Variants in ZNF346 observed in about 807,000 individuals in gnomAD.
ZNF346 encodes zinc finger protein 346, also known as double-stranded RNA-binding zinc finger protein JAZ.
In ZNF346, 23 loss-of-function variants were observed where a neutral mutation model predicts 33.7. That is an observed-to-expected ratio of 0.68 (90% CI 0.49 to 0.97). ZNF346 has a LOEUF of 0.97. Ranked by LOEUF, ZNF346 falls within the 50% of genes least tolerant of loss-of-function variation. The pLI is 0.00. For missense variants in ZNF346, 340 were observed against 371.1 expected, an observed-to-expected ratio of 0.92 and a Z score of 0.69; for synonymous variants, 134 against 142.4, an observed-to-expected ratio of 0.94 and a Z score of 0.42.
exon 9 of ZNF346, chr5:177,080,149 CA>C (rs2149723485): frequency 6.6e-6 from 1 of 152,378 alleles, no homozygotes; most frequent in East Asian, 1.9e-4. Flanking sequence ...ATGCCCTGGG[CA>C]ACCTGTAACT....
At chr5:177,037,310 C>G (rs867571173) in intron 1 of ZNF346, among the ~76,000 whole-genome samples, 14 of 152,144 alleles carry the variant, frequency 9.2e-5, no homozygotes, top group African/African-American at 2.9e-4. Flanking sequence ...CTTCCAGCCC[C>G]ACAGTGTTCA....
At chr5:177,024,200 C>CTTTTTTTTT (rs781744965) in intron 1 of ZNF346, among the ~76,000 whole-genome samples, 3 of 86,898 alleles carry the variant, frequency 3.5e-5, no homozygotes, top group African/African-American at 4.7e-5. Flanking sequence ...GCCCTCTCTC[C>CTTTTTTTTT]TTTTTTTTTT....
At position 177,074,298 on chromosome 5, in the gene ZNF346, G is replaced by C. The variant is rs191086591; in HGVS notation, c.*3-5084G>C. Among the ~76,000 whole-genome samples the C allele has an allele frequency of 2.7e-3, 404 of 152,306 alleles. 1 individual carries two copies. The highest frequency in any genetic ancestry group is 9.5e-3 in the African/African-American group (394 of 41,564). On this transcript the variant is annotated intron_variant, in intron 8 of 8. Coordinates refer to the ZNF346 transcript ENST00000503039. ...CCCACCCTCAGCTTATGTAGTCCGGGTGGGGAAGACCTCCACTCTCCTGGC... is the reference window on the plus strand; with the variant it reads ...CCCACCCTCAGCTTATGTAGTCCGGCTGGGGAAGACCTCCACTCTCCTGGC...
chr5:177,038,746 C>T (rs1037024431), intron 1 of ZNF346, among the ~76,000 whole-genome samples: 1 of 151,940 alleles, frequency 6.6e-6, no homozygotes, highest in Non-Finnish European at 1.5e-5. Context: ...TTGAACAAAA[C>T]AAAATCCACA....
intron 1 of ZNF346, among the ~76,000 whole-genome samples, chr5:177,036,692 T>A (rs554508146): frequency 6.6e-6 from 1 of 152,336 alleles, no homozygotes; most frequent in African/African-American, 2.4e-5. Flanking sequence ...TCCTGCTTAC[T>A]GCCTTGGAGA....
chr5:177,038,219 G>A (rs957983953), intron 1 of ZNF346, among the ~76,000 whole-genome samples: 1 of 150,392 alleles, frequency 6.6e-6, no homozygotes, highest in Middle Eastern at 3.3e-3. Flanking sequence ...CTCCTGAATA[G>A]CTAAGACTAC....
chr5:177,048,200 T>G (rs544641299), intron 4 of ZNF346, among the ~76,000 whole-genome samples: 1 of 152,210 alleles, frequency 6.6e-6, no homozygotes, highest in Non-Finnish European at 1.5e-5. Flanking sequence ...TGGATGCGCA[T>G]TAAATGGTTC....
intron 6 of ZNF346, among the ~76,000 whole-genome samples, chr5:177,063,905 TA>T (rs1782861175): frequency 8.1e-6 from 1 of 123,914 alleles, no homozygotes; most frequent in Non-Finnish European, 1.9e-5. Flanking sequence ...CTCAAAATTT[TA>T]AAAAAGCCTC....
intron 1 of ZNF346, among the ~76,000 whole-genome samples, chr5:177,027,704 CTG>C (rs1282605152): frequency 6.8e-6 from 1 of 147,304 alleles, no homozygotes; most frequent in African/African-American, 2.5e-5. Flanking sequence ...GACAGGGTCT[CTG>C]TTGCCCAGGC....
At position 177,077,885 on chromosome 5, in the gene ZNF346, G is replaced by T. The variant is rs1475192576; in HGVS notation, c.*3-1497G>T. Among the ~76,000 whole-genome samples, 3 of 152,188 alleles carry T rather than the reference G, an allele frequency of 2.0e-5. No individual in the cohort carries two copies. The highest frequency in any genetic ancestry group is 7.2e-5 in the African/African-American group (3 of 41,458). ...TGCCTGGCCAGGCGCGGTGGCTCAC[G>T]CCTGTAATCCCAGCACTTTGGGAGG... On this transcript the variant is annotated intron_variant, in intron 8 of 8. Transcript: ENST00000503039. This position sits in a 1 kb window ranked among gnomAD's most constrained non-coding sequence, Gnocchi z 5.0.
intron 5 of ZNF346, chr5:177,051,832 C>G (rs556439791): frequency 9.9e-5 from 15 of 152,242 alleles, no homozygotes; most frequent in Non-Finnish European, 1.6e-4. Context: ...CCACTGCACC[C>G]GGCCCCTCTG....
At chr5:177,045,666 T>G (rs1462503424) in intron 4 of ZNF346, among the ~76,000 whole-genome samples, 1 of 151,966 alleles carries the variant, frequency 6.6e-6, no homozygotes, top group East Asian at 1.9e-4. Flanking sequence ...AAACCTTTTT[T>G]TTTAAATAGA....
chr5:177,038,877 TGTGTG>T (rs1335732174), intron 1 of ZNF346, among the ~76,000 whole-genome samples: 25 of 7,208 alleles, frequency 3.5e-3, no homozygotes, highest in Non-Finnish European at 0.03. Flanking sequence ...TTCTTCTTCT[TGTGTG>T]TGTGTGTGTG....
rs544780386 is a variant in ZNF346, at chr5:177,049,514, G to C, written c.518-1237G>C. Among the ~76,000 whole-genome samples the C allele has an allele frequency of 2.6e-5, 4 of 152,340 alleles. No homozygotes were observed. The East Asian group carries it at 7.7e-4, about 29-fold the overall frequency. On this transcript the variant is annotated intron_variant, in intron 4 of 6. Transcript: ENST00000358149. ...GCCTAGAGTCAACATCAAGCCATATGTTGATGCACAAGAGGCTCGCATGTA... is the reference window on the plus strand; with the variant it reads ...GCCTAGAGTCAACATCAAGCCATATCTTGATGCACAAGAGGCTCGCATGTA...
chr5:177,048,502 TC>T (rs1780403520), intron 4 of ZNF346, among the ~76,000 whole-genome samples: 1 of 152,076 alleles, frequency 6.6e-6, no homozygotes, highest in Non-Finnish European at 1.5e-5. Flanking sequence ...ATGCCTGTAA[TC>T]CCATCTACTT....
intron 5 of ZNF346, among the ~76,000 whole-genome samples, chr5:177,057,076 C>T (rs1214732538): frequency 1.3e-5 from 2 of 151,936 alleles, no homozygotes; most frequent in Non-Finnish European, 2.9e-5. Context: ...TTTGGGAGGC[C>T]GAGGCGGGTG....
At chr5:177,045,577 C>CA (rs1259405920) in intron 4 of ZNF346, among the ~76,000 whole-genome samples, 1 of 152,100 alleles carries the variant, frequency 6.6e-6, no homozygotes, top group East Asian at 1.9e-4. Flanking sequence ...AGGATGGTCT[C>CA]AAACTCCTGA....
chr5:177,067,056 C>T lies in ZNF346; in HGVS notation c.*2457C>T, dbSNP rs2149714204. Among the ~76,000 whole-genome samples the T allele has an allele frequency of 6.6e-6, 1 of 152,098 alleles. No homozygotes were observed. The highest frequency in any genetic ancestry group is 2.1e-4 in the South Asian group (1 of 4,808). On this transcript the variant is annotated 3_prime_UTR_variant, in exon 7 of 7. Coordinates refer to ENST00000358149, the MANE Select transcript of ZNF346 (RefSeq NM_012279.4). ...CCAGCCTAGGTGACAGAGTGAGACT[C>T]CTGTCTCAAAATAAATAAATAATAA...
downstream of ZNF346, among the ~76,000 whole-genome samples, chr5:177,069,987 G>C (rs2149716870): frequency 6.6e-6 from 1 of 152,266 alleles, no homozygotes; most frequent in Non-Finnish European, 1.5e-5. Context: ...GGGACAACTG[G>C]GTTGTTTCTA....
Sources: allele counts gnomAD v4.1 joint callset (sites outside exome capture counted in the v4.1 genomes callset), GRCh38; gene constraint gnomAD v4.1.1; non-coding constraint Gnocchi (gnomAD v3.1); transcripts MANE v1.5; gene names NCBI Gene and HGNC (gene_info 2026-07-23, HGNC 2026-07-21).